The following CDIN1 variants were observed in gnomAD, a reference collection of about 807,000 sequenced individuals.
CDIN1 encodes CDAN1-interacting nuclease 1.
Under a neutral mutation model 45.3 loss-of-function variants are expected in CDIN1, and 33 were observed. That is an observed-to-expected ratio of 0.73 (90% CI 0.55 to 0.97). The LOEUF (loss-of-function observed/expected upper bound fraction) is 0.97. Ranked by LOEUF, CDIN1 falls within the 50% of genes least tolerant of loss-of-function variation. CDIN1 has a pLI of 0.00. For missense variants in CDIN1, 303 were observed against 339.4 expected (o/e 0.89, Z 0.84); for synonymous variants, 118 against 124.4 (o/e 0.95, Z 0.34).
intron 5 of CDIN1, among the ~76,000 whole-genome samples, chr15:36,673,352 C>G (rs1389616958): frequency 6.6e-6 from 1 of 152,000 alleles, no homozygotes; most frequent in East Asian, 1.9e-4. Context: ...TGCATTATCT[C>G]CATCTGAGAT....
chr15:36,724,082 A>G (rs905134409), intron 10 of CDIN1, among the ~76,000 whole-genome samples: 21 of 152,306 alleles, frequency 1.4e-4, no homozygotes, highest in African/African-American at 5.1e-4. Flanking sequence ...AAGTTGAGCT[A>G]TGAAGAGGTT....
At chr15:36,751,428 T>C (rs2053467908) in intron 10 of CDIN1, among the ~76,000 whole-genome samples, 1 of 151,528 alleles carries the variant, frequency 6.6e-6, no homozygotes, top group African/African-American at 2.4e-5. Flanking sequence ...GCACAGCAGC[T>C]CACGCCTATA....
chr15:36,757,641 T>C (rs545697063), intron 10 of CDIN1, among the ~76,000 whole-genome samples: 65 of 152,192 alleles, frequency 4.3e-4, no homozygotes, highest in African/African-American at 1.5e-3. Context: ...GCCCAGCACA[T>C]CCATGCTGTG....
intron 10 of CDIN1, among the ~76,000 whole-genome samples, chr15:36,757,804 A>G (rs1474622006): frequency 6.7e-6 from 1 of 149,596 alleles, no homozygotes; most frequent in Non-Finnish European, 1.5e-5. Context: ...CTATGCCACC[A>G]GGCCTGAGTC....
At chr15:36,802,308 G>A (rs1429514392) in intron 10 of CDIN1, among the ~76,000 whole-genome samples, 1 of 152,084 alleles carries the variant, frequency 6.6e-6, no homozygotes, top group Non-Finnish European at 1.5e-5. Flanking sequence ...CCTCTTTGTT[G>A]TTGATTATTG....
chr15:36,595,774 C>T (rs2037795694), intron 1 of CDIN1, among the ~76,000 whole-genome samples: 3 of 152,172 alleles, frequency 2.0e-5, no homozygotes, highest in Admixed American at 2.0e-4. Flanking sequence ...GCTATGTGTG[C>T]AGAGGCCTGT....
intron 5 of CDIN1, among the ~76,000 whole-genome samples, chr15:36,675,404 A>G (rs1028439099): frequency 6.6e-6 from 1 of 152,138 alleles, no homozygotes; most frequent in Non-Finnish European, 1.5e-5. Flanking sequence ...AGTAGTTTCT[A>G]GCACTCCTCT....
intron 10 of CDIN1, among the ~76,000 whole-genome samples, chr15:36,724,896 G>A (rs958293566): frequency 1.3e-5 from 2 of 152,112 alleles, no homozygotes; most frequent in Non-Finnish European, 2.9e-5. Context: ...CATGAGTTAT[G>A]TGGGTTTAGA....
chr15:36,613,835 G>C, intron 1 of CDIN1: 1 of 1,600,684 alleles, frequency 6.2e-7, no homozygotes, highest in Middle Eastern at 1.7e-4. Flanking sequence ...TGCAGAAGAG[G>C]CAGATAGGAA....
intron 1 of CDIN1, among the ~76,000 whole-genome samples, chr15:36,621,890 C>G (rs1269707305): frequency 1.1e-5 from 1 of 92,510 alleles, no homozygotes; most frequent in Non-Finnish European, 2.2e-5. Flanking sequence ...TTTTTTCCTC[C>G]AAGGGCTTTT....
At chr15:36,632,592 G>A (rs1374765004) in intron 1 of CDIN1, among the ~76,000 whole-genome samples, 2 of 152,162 alleles carry the variant, frequency 1.3e-5, no homozygotes, top group East Asian at 1.9e-4. Context: ...ACCATCTGGC[G>A]TTTCTCTGCA....
intron 10 of CDIN1, chr15:36,747,214 T>G (rs1335767453): frequency 5.3e-6 from 2 of 377,700 alleles, no homozygotes; most frequent in Middle Eastern, 6.6e-4. Context: ...ATATTATCTC[T>G]CTAAATAAAA....
intron 10 of CDIN1, chr15:36,799,604 C>T (rs1245524033): frequency 6.6e-6 from 1 of 152,190 alleles, no homozygotes; most frequent in African/African-American, 2.4e-5. Context: ...ATTGTCATTG[C>T]TCTAATTAGT....
At chr15:36,755,645 G>GGTAAT (rs1189523134) in intron 10 of CDIN1, among the ~76,000 whole-genome samples, 1 of 151,496 alleles carries the variant, frequency 6.6e-6, no homozygotes, top group Non-Finnish European at 1.5e-5. Context: ...TACTCATTAG[G>GGTAAT]GAGACCTGTC....
At chr15:36,758,597 G>A (rs1183984613) in intron 10 of CDIN1, among the ~76,000 whole-genome samples, 1 of 152,020 alleles carries the variant, frequency 6.6e-6, no homozygotes, top group Non-Finnish European at 1.5e-5. Context: ...CATCACTCCA[G>A]ATCTTTGTAA....
At chr15:36,605,456 T>C in intron 1 of CDIN1, among the ~76,000 whole-genome samples, 1 of 152,186 alleles carries the variant, frequency 6.6e-6, no homozygotes, top group East Asian at 1.9e-4. Flanking sequence ...CAAAATTGCA[T>C]GTTGACTCCT....
Position 36,804,630 on chromosome 15 carries a change from G to T in CDIN1, c.717-3694G>T, listed in dbSNP as rs978096702. 1.4e-5 allele frequency: 2 copies of T among 141,028 alleles called. 1 individual carries two copies. Among genetic ancestry groups the T allele is most frequent in the South Asian group, 4.7e-4 (2 of 4,298 alleles). 8.7% of individuals were successfully genotyped at this position (141,028 alleles called of 1,614,324 possible). On this transcript the variant is annotated intron_variant, in intron 10 of 10. Coordinates refer to ENST00000566621, the MANE Select transcript of CDIN1 (RefSeq NM_001321759.2). ...AGCTTTAGTTCCATCGTCTCTGATT[G>T]AATTTCTCTAAATACCCTAAAATGA...
chr15:36,800,905 G>GTATATATATATATATATATATATA (rs1437486563), intron 10 of CDIN1, among the ~76,000 whole-genome samples: 1 of 22,102 alleles, frequency 4.5e-5, no homozygotes, highest in African/African-American at 1.2e-4. Context: ...GTGTGTGTGT[G>GTATATATATATATATATATATATA]TGTGTATATA....
intron 1 of CDIN1, chr15:36,617,086 G>A: frequency 3.8e-6 from 3 of 794,276 alleles, no homozygotes; most frequent in Non-Finnish European, 6.9e-6. Flanking sequence ...AGCAGAGGAC[G>A]ACATGTTGTT....
Sources: gnomAD v4.1 joint callset for allele counts (sites outside exome capture counted in the v4.1 genomes callset) on GRCh38, gnomAD v4.1.1 for gene constraint, MANE v1.5 for transcripts, NCBI Gene and HGNC (gene_info 2026-07-23, HGNC 2026-07-21) for gene names.